Variants in CLIP1 observed in about 807,000 individuals in gnomAD.
CLIP1 encodes CAP-Gly domain-containing linker protein 1.
CLIP1 carries 66 observed loss-of-function variants against 161.6 expected under a neutral mutation model. That is an observed-to-expected ratio of 0.41 (90% CI 0.33 to 0.50). The LOEUF is 0.50. Among genes scored for constraint, CLIP1 ranks in the 20% least tolerant of loss-of-function variants. The pLI, the probability that CLIP1 is intolerant of heterozygous loss-of-function variation, is 0.27. For missense variants in CLIP1, 1,376 were observed against 1,702.0 expected, an observed-to-expected ratio of 0.81 and a Z score of 3.37; for synonymous variants, 598 against 626.2, an observed-to-expected ratio of 0.96 and a Z score of 0.67.
intron 10 of CLIP1, chr12:122,343,047 G>A (rs1440391755): frequency 6.6e-6 from 1 of 151,278 alleles, no homozygotes; most frequent in East Asian, 1.9e-4. Context: ...TGCATAAAAG[G>A]TCTAAAATTA....
rs1331893388 is a variant in CLIP1 at position 122,360,202 on chromosome 12, C to CA, written c.1005+756dup. 7.2e-5 allele frequency among the ~76,000 whole-genome samples: 11 copies of CA among 152,238 alleles called. No homozygotes were observed. The East Asian group carries it at 2.1e-3, about 29-fold the overall frequency. ...CACACACTAACTGCTTCCAGTAGGT[C>CA]AGGTTGTATTAACATTAAAATCCTA... On this transcript the variant is annotated intron_variant, in intron 5 of 25. Coordinates refer to ENST00000620786, the MANE Select transcript of CLIP1 (RefSeq NM_001247997.2).
chr12:122,351,064 A>G, intron 9 of CLIP1, 47 bp downstream of exon 9: 2 of 1,399,176 alleles, frequency 1.4e-6, no homozygotes, highest in East Asian at 2.4e-5. Context: ...TCTGTGATCA[A>G]TCTTTGTTAA....
At chr12:122,309,703 G>A (rs1047266407) in intron 20 of CLIP1, 59 bp downstream of exon 20, 2 of 1,603,840 alleles carry the variant, frequency 1.2e-6, no homozygotes, top group Admixed American at 3.4e-5. Flanking sequence ...TGAGCGTGCT[G>A]CCAACAGCAG....
At position 122,272,851 on chromosome 12, in the gene CLIP1, C is replaced by T. The variant is rs775171466; in HGVS notation, c.*24G>A. The T allele has an allele frequency of 2.2e-5, 35 of 1,606,664 alleles. No individual in the cohort carries two copies. The highest frequency in any genetic ancestry group is 2.9e-5 in the Non-Finnish European group (34 of 1,173,268). ...GTCAATGCGAGTGCGTCTGAGCAAG[C>T]CCAGTTCTCCACTGGAGGCTTCATC... is the stretch of plus-strand genomic sequence containing the variant. On this transcript the variant is annotated 3_prime_UTR_variant, in exon 26 of 26. Transcript: ENST00000620786.
chr12:122,366,957 A>T (rs549971680), intron 3 of CLIP1, among the ~76,000 whole-genome samples: 1 of 152,330 alleles, frequency 6.6e-6, no homozygotes, highest in South Asian at 2.1e-4. Context: ...GTCAAAAGAA[A>T]ATAAAGTCGG....
rs1489167579 is a variant in CLIP1 at position 122,316,801 on chromosome 12, T to C, written c.3421A>G (p.Lys1141Glu). 6.3e-7 allele frequency: 1 copy of C among 1,598,824 alleles called. No homozygotes were observed. Among genetic ancestry groups the C allele is most frequent in the South Asian group, 1.2e-5 (1 of 85,894 alleles). Residue 1141 changes from lysine (K) to glutamate (E), a missense_variant, in exon 19 of 26, where the codon AAA (lysine) becomes GAA (glutamate). Transcript: ENST00000620786. The stretch of plus-strand genomic sequence containing the variant: ...TGATTCTCTACAGTCAGGAGTTCTT[T>C]TGATTTGTTCAGCTCTTCCACATTT... ...LKNVEELNKS[K>E]ELLTVENQKM...
At chr12:122,274,413 C>A (rs745991182) in intron 24 of CLIP1, 1 of 338,372 alleles carries the variant, frequency 3.0e-6, no homozygotes, top group Non-Finnish European at 5.5e-6. Flanking sequence ...TACCCCCTCA[C>A]ACCTTTCAGA....
intron 1 of CLIP1, among the ~76,000 whole-genome samples, chr12:122,397,634 A>G (rs1274559103): frequency 2.0e-5 from 3 of 150,856 alleles, no homozygotes; most frequent in Non-Finnish European, 3.0e-5. Flanking sequence ...CCATCAGTAA[A>G]TATGTATCCT....
chr12:122,378,044 A>G, intron 2 of CLIP1, 84 bp from the exon 3 acceptor site: 1 of 1,167,884 alleles, frequency 8.6e-7, no homozygotes, highest in Non-Finnish European at 1.2e-6. Flanking sequence ...GAAAGCCAAC[A>G]GCCCACAGGA....
At chr12:122,352,882 G>A in intron 7 of CLIP1, 96 bp from the exon 8 acceptor site, 1 of 1,011,404 alleles carries the variant, frequency 9.9e-7, no homozygotes, top group Non-Finnish European at 1.6e-6. Context: ...CGTTGGGCAT[G>A]GTAGGCCACT....
At chr12:122,273,414 T>C (rs1955255631) in intron 25 of CLIP1, among the ~76,000 whole-genome samples, 1 of 151,912 alleles carries the variant, frequency 6.6e-6, no homozygotes. Flanking sequence ...CCCACACAGT[T>C]ACTTTTTTGT....
At chr12:122,350,330 C>G (rs976371119) in intron 9 of CLIP1, among the ~76,000 whole-genome samples, 1 of 152,164 alleles carries the variant, frequency 6.6e-6, no homozygotes, top group Non-Finnish European at 1.5e-5. Context: ...TTACAACCAG[C>G]AGCACAGCTG....
intron 9 of CLIP1, among the ~76,000 whole-genome samples, chr12:122,348,958 G>A (rs551557367): frequency 3.9e-5 from 6 of 152,170 alleles, no homozygotes; most frequent in East Asian, 1.9e-4. Flanking sequence ...ACCAGGTATC[G>A]ACAAACCATG....
intron 1 of CLIP1, among the ~76,000 whole-genome samples, chr12:122,419,926 CAA>C (rs5801469): frequency 3.8e-5 from 3 of 79,816 alleles, no homozygotes; most frequent in African/African-American, 1.2e-4. Flanking sequence ...GACTCTGTCT[CAA>C]AAAAAAAAAA....
chr12:122,330,925 A>C lies in CLIP1; in HGVS notation c.2867+2062T>G, dbSNP rs191028213. Among the ~76,000 whole-genome samples the C allele has an allele frequency of 5.3e-5, 8 of 151,866 alleles. No homozygotes were observed. The East Asian group carries it at 1.6e-3, about 30-fold the overall frequency. On this transcript the variant is annotated intron_variant, in intron 15 of 25. Coordinates refer to ENST00000620786, the MANE Select transcript of CLIP1 (RefSeq NM_001247997.2). ...CTACAATGTAGTTATTAAGAGCAGG[A>C]GGGGCTCTGGGACCAGACTGCCCAG...
At position 122,355,429 on chromosome 12, in the gene CLIP1, AG is replaced by A; in HGVS notation, c.1006-118del. 3.6e-6 allele frequency: 3 copies of A among 831,340 alleles called. No individual in the cohort carries two copies. The highest frequency in any genetic ancestry group is 5.7e-6 in the Non-Finnish European group (3 of 521,768). The allele number at this position is 831,340 out of a possible 1,614,324, so 51.5% of individuals were successfully genotyped here. ...AAGCAAGGGCGCTGCTCCAGCTGGC[AG>A]GCTGGCCAGGATTAGGAAAGGCTTC... On this transcript the variant is annotated intron_variant, in intron 5 of 25. Coordinates refer to ENST00000620786, the MANE Select transcript of CLIP1 (RefSeq NM_001247997.2). This position sits in a 1 kb window ranked among gnomAD's most constrained non-coding sequence, Gnocchi z 4.1.
intron 3 of CLIP1, among the ~76,000 whole-genome samples, chr12:122,375,203 G>A (rs1027320879): frequency 6.6e-6 from 1 of 151,944 alleles, no homozygotes; most frequent in Non-Finnish European, 1.5e-5. Flanking sequence ...CTAGAATGTA[G>A]AGCATGTAGA....
intron 21 of CLIP1, among the ~76,000 whole-genome samples, chr12:122,284,579 T>A (rs1457960839): frequency 6.6e-6 from 1 of 152,106 alleles, no homozygotes. Context: ...CTCAAACTCC[T>A]GACCTCAGGT....
intron 1 of CLIP1, among the ~76,000 whole-genome samples, chr12:122,417,192 A>T (rs577311453): frequency 3.2e-4 from 48 of 152,158 alleles, no homozygotes; most frequent in African/African-American, 1.1e-3. Context: ...AGCTACTTGG[A>T]GGCTGAGGCA....
Sources: allele counts gnomAD v4.1 joint callset (sites outside exome capture counted in the v4.1 genomes callset), GRCh38; gene constraint gnomAD v4.1.1; non-coding constraint Gnocchi (gnomAD v3.1); transcripts MANE v1.5; gene names NCBI Gene and HGNC (gene_info 2026-07-23, HGNC 2026-07-21).